The following CNTNAP2 variants were observed in gnomAD, a reference collection of about 807,000 sequenced individuals.
The protein encoded by CNTNAP2 is contactin associated protein 2, also known as contactin-associated protein-like 2.
A neutral mutation model predicts 155.2 loss-of-function variants in CNTNAP2; 98 were observed. The observed-to-expected ratio is 0.63, with a 90% CI of 0.54 to 0.75. CNTNAP2 has a LOEUF of 0.75. Among genes scored for constraint, CNTNAP2 ranks in the 30% least tolerant of loss-of-function variants. The pLI is 0.00. For synonymous variants in CNTNAP2, 651 were observed against 631.2 expected (o/e 1.03, Z -0.47); for missense variants, 1,727 against 1,688.1 (o/e 1.02, Z -0.40).
chr7:146,822,075 A>C (rs1439093653), intron 2 of CNTNAP2, among the ~76,000 whole-genome samples: 1 of 152,188 alleles, frequency 6.6e-6, no homozygotes, highest in Non-Finnish European at 1.5e-5. Context: ...ACCAACCCAA[A>C]TGTCCAGCAA....
At chr7:147,522,838 A>T (rs1799253778) in intron 11 of CNTNAP2, among the ~76,000 whole-genome samples, 1 of 152,124 alleles carries the variant, frequency 6.6e-6, no homozygotes, top group African/African-American at 2.4e-5. Context: ...GACAAGAAAA[A>T]AATATTACTC....
intron 2 of CNTNAP2, among the ~76,000 whole-genome samples, chr7:146,786,316 C>T (rs913028937): frequency 6.6e-6 from 1 of 152,086 alleles, no homozygotes; most frequent in African/African-American, 2.4e-5. Flanking sequence ...CTAATAATGA[C>T]TCTGTTAGCA....
chr7:147,618,276 A>G (rs1801330404), intron 12 of CNTNAP2, among the ~76,000 whole-genome samples: 1 of 152,246 alleles, frequency 6.6e-6, no homozygotes, highest in South Asian at 2.1e-4. Flanking sequence ...ATAGTAGACC[A>G]TAAGGCAGCT....
intron 14 of CNTNAP2, among the ~76,000 whole-genome samples, chr7:147,975,773 T>C (rs1801417497): frequency 6.6e-6 from 1 of 152,220 alleles, no homozygotes; most frequent in Admixed American, 6.5e-5. Flanking sequence ...GCCCCCTCTT[T>C]GGTCCCTTCC....
At chr7:147,213,518 A>C (rs987242017) in intron 8 of CNTNAP2, among the ~76,000 whole-genome samples, 3 of 152,032 alleles carry the variant, frequency 2.0e-5, no homozygotes, top group African/African-American at 7.2e-5. Flanking sequence ...TTTTCTCACA[A>C]ATGCCCTTTT....
intron 13 of CNTNAP2, among the ~76,000 whole-genome samples, chr7:147,877,759 TTTG>T (rs541609706): frequency 4.9e-4 from 74 of 152,306 alleles, no homozygotes; most frequent in African/African-American, 1.5e-3. Context: ...TTTGTTTATC[TTTG>T]TTGTTGTTGT....
intron 15 of CNTNAP2, among the ~76,000 whole-genome samples, chr7:148,062,024 A>AGT (rs1386529973): frequency 2.3e-4 from 31 of 136,660 alleles, no homozygotes; most frequent in Non-Finnish European, 4.3e-4. Context: ...AGAGAGAGAG[A>AGT]GAGAGTGTGT....
chr7:148,405,999 A>G (rs572467118), intron 22 of CNTNAP2, among the ~76,000 whole-genome samples: 34 of 152,182 alleles, frequency 2.2e-4, no homozygotes, highest in African/African-American at 7.0e-4. Flanking sequence ...TTAAGAGGCC[A>G]AGACCGGCAG....
At chr7:146,666,734 T>C (rs1408455693) in intron 1 of CNTNAP2, among the ~76,000 whole-genome samples, 1 of 152,196 alleles carries the variant, frequency 6.6e-6, no homozygotes, top group Non-Finnish European at 1.5e-5. Context: ...TTAATTTGTA[T>C]TTCCCTGAGG....
chr7:148,154,086 A>G (rs1175645946), intron 17 of CNTNAP2, among the ~76,000 whole-genome samples: 1 of 152,192 alleles, frequency 6.6e-6, no homozygotes, highest in Non-Finnish European at 1.5e-5. Context: ...GCCTCTTCTG[A>G]TATCTCTCTA....
intron 21 of CNTNAP2, among the ~76,000 whole-genome samples, chr7:148,336,756 G>T (rs1177935): frequency 0.28 from 42,770 of 152,056 alleles, 6,856 homozygotes; most frequent in Non-Finnish European, 0.37. Flanking sequence ...ACCTTAAAAT[G>T]TAATCATTCA....
At chr7:147,532,153 C>T (rs537832737) in intron 11 of CNTNAP2, among the ~76,000 whole-genome samples, 4 of 152,202 alleles carry the variant, frequency 2.6e-5, no homozygotes, top group African/African-American at 9.6e-5. Context: ...TTTTCCAAAC[C>T]TTTATACTCT....
intron 1 of CNTNAP2, among the ~76,000 whole-genome samples, chr7:146,369,592 C>A (rs1041733795): frequency 1.3e-5 from 2 of 152,120 alleles, no homozygotes; most frequent in Admixed American, 1.3e-4. Context: ...TGATTTCTAT[C>A]CATCTGAATG....
intron 1 of CNTNAP2, among the ~76,000 whole-genome samples, chr7:146,210,780 C>T (rs923429812): frequency 3.3e-5 from 5 of 152,058 alleles, no homozygotes; most frequent in African/African-American, 1.2e-4. Flanking sequence ...GGCAAGGGGG[C>T]CAAGTTCTCT....
intron 3 of CNTNAP2, among the ~76,000 whole-genome samples, chr7:146,970,455 A>C (rs943813202): frequency 1.3e-5 from 2 of 152,222 alleles, no homozygotes; most frequent in Non-Finnish European, 2.9e-5. Context: ...AAAATACATG[A>C]AAAAATGCTC....
intron 14 of CNTNAP2, among the ~76,000 whole-genome samples, chr7:147,960,238 G>T (rs898575849): frequency 6.6e-6 from 1 of 152,108 alleles, no homozygotes; most frequent in Non-Finnish European, 1.5e-5. Context: ...TTTATGGAGG[G>T]CTAGGAGAGG....
intron 12 of CNTNAP2, among the ~76,000 whole-genome samples, chr7:147,567,379 A>G (rs150731713): frequency 3.5e-4 from 53 of 152,294 alleles, no homozygotes; most frequent in Middle Eastern, 3.4e-3. Flanking sequence ...CAAGCAATGG[A>G]TGGTTTCAAG....
At chr7:146,904,060 C>A (rs113144885) in intron 3 of CNTNAP2, among the ~76,000 whole-genome samples, 2 of 152,188 alleles carry the variant, frequency 1.3e-5, no homozygotes, top group African/African-American at 4.8e-5. Context: ...TCAACACTCA[C>A]AACCCTTCAT....
chr7:147,887,683 G>A (rs1799624658), intron 13 of CNTNAP2, among the ~76,000 whole-genome samples: 1 of 151,930 alleles, frequency 6.6e-6, no homozygotes, highest in Admixed American at 6.6e-5. Flanking sequence ...AGGAAGAAGG[G>A]TCCATGCCAA....
Sources: gnomAD v4.1 joint callset for allele counts (sites outside exome capture counted in the v4.1 genomes callset) on GRCh38, gnomAD v4.1.1 for gene constraint, MANE v1.5 for transcripts, NCBI Gene and HGNC (gene_info 2026-07-23, HGNC 2026-07-21) for gene names.